The following SETX variants were observed in gnomAD, a reference collection of about 807,000 sequenced individuals.
SETX encodes helicase senataxin.
SETX carries 90 observed loss-of-function variants against 227.2 expected under a neutral mutation model. That is an observed-to-expected ratio of 0.40 (90% CI 0.33 to 0.47). The LOEUF (loss-of-function observed/expected upper bound fraction) is 0.47. Among genes scored for constraint, SETX ranks in the 20% least tolerant of loss-of-function variants. SETX has a pLI of 0.91. For synonymous variants in SETX, 1,210 were observed against 1,113.2 expected (o/e 1.09, Z -1.73); for missense variants, 3,052 against 3,181.5 (o/e 0.96, Z 0.98).
In SETX at chr9:132,335,608, G is replaced by A. The variant is rs974645887; in HGVS notation, c.718+688C>T. 2.0e-4 allele frequency among the ~76,000 whole-genome samples: 30 copies of A among 151,712 alleles called. 1 individual carries two copies. The highest frequency in any genetic ancestry group is 6.8e-4 in the African/African-American group (28 of 41,270). On this transcript the variant is annotated intron_variant, in intron 6 of 25. Coordinates refer to ENST00000224140, the MANE Select transcript of SETX (RefSeq NM_015046.7). The stretch of plus-strand genomic sequence containing the variant: ...TCCTCCTGCCTCAGCCTCCCAAGAT[G>A]CTGGGACTACAGGCGTGCACCACCA...
intron 15 of SETX, among the ~76,000 whole-genome samples, chr9:132,289,979 T>C (rs1450499567): frequency 2.0e-5 from 3 of 152,016 alleles, no homozygotes; most frequent in East Asian, 1.9e-4. Flanking sequence ...GAGATATAAG[T>C]GGGCAAATCA....
At position 132,265,277 on chromosome 9, in the gene SETX, G is replaced by A. The variant is rs569309148; in HGVS notation, c.7288-292C>T. On this transcript the variant is annotated intron_variant, in intron 25 of 25. Transcript: ENST00000224140. ...AGACTCACTCTGTTGCCAGGCTGGA[G>A]TGCAGTGGCGCGATCTTGGCTCACT... Among the ~76,000 whole-genome samples the A allele has an allele frequency of 1.2e-4, 17 of 142,630 alleles. No homozygotes were observed. In the East Asian group the frequency reaches 3.6e-3, roughly 30 times the overall value. The allele number at this position is 142,630 out of a possible 152,430, so 93.6% of individuals were successfully genotyped here.
At chr9:132,291,152 T>A (rs1844273802) in intron 15 of SETX, among the ~76,000 whole-genome samples, 1 of 150,592 alleles carries the variant, frequency 6.6e-6, no homozygotes, top group African/African-American at 2.4e-5. Flanking sequence ...CTTGAGGGTT[T>A]GAAAACCTTT....
rs1842472566 is a variant in SETX, at chr9:132,263,060, T to TAG, written c.*1177_*1178dup. The TAG allele has an allele frequency of 6.6e-6, 1 of 152,210 alleles. No individual in the cohort carries two copies. The highest frequency in any genetic ancestry group is 1.5e-5 in the Non-Finnish European group (1 of 68,042). 9.4% of individuals were successfully genotyped at this position (152,210 alleles called of 1,614,324 possible). On this transcript the variant is annotated 3_prime_UTR_variant, in exon 26 of 26. Transcript: ENST00000224140. ...ACAAAAGCACTATCACCTCTAATAGTAGCTGGAAACACCTATCAGATATTC... is the reference window on the plus strand; with the variant it reads ...ACAAAAGCACTATCACCTCTAATAGTAGAGCTGGAAACACCTATCAGATATTC...
At chr9:132,322,701 T>G (rs472052) in intron 10 of SETX, among the ~76,000 whole-genome samples, 115,623 of 152,064 alleles carry the variant, frequency 0.76, 45,041 homozygotes, top group Non-Finnish European at 0.84. Flanking sequence ...TTCTTAAATG[T>G]GAGTAGACCA....
At chr9:132,350,048 A>G (rs1205766287) in intron 2 of SETX, among the ~76,000 whole-genome samples, 5 of 152,184 alleles carry the variant, frequency 3.3e-5, no homozygotes, top group East Asian at 1.9e-4. Flanking sequence ...GAAAGGTTAG[A>G]AGGAGGTTAA....
At position 132,342,791 on chromosome 9, in the gene SETX, A is replaced by G. The variant is rs766625711; in HGVS notation, c.397T>C (p.Cys133Arg). The change falls in exon 5 of 26, where the codon TGT becomes CGT. Residue 133 changes from cysteine to arginine, a missense_variant. By Grantham distance (180) the Cys-to-Arg change is radical. Coordinates refer to ENST00000224140, the MANE Select transcript of SETX (RefSeq NM_015046.7). ...LLLHERVNEL[C>R]VEALCRMEQA... The stretch of plus-strand genomic sequence containing the variant: ...TCCATCCGACAAAGTGCTTCAACAC[A>G]TAACTCGTCTAAAAAGAAAAAAATA... The G allele has an allele frequency of 6.2e-7, 1 of 1,612,788 alleles. No homozygotes were observed. The highest frequency in any genetic ancestry group is 8.5e-7 in the Non-Finnish European group (1 of 1,179,008).
chr9:132,273,624 G>A (rs990131184), intron 23 of SETX, among the ~76,000 whole-genome samples: 2 of 152,080 alleles, frequency 1.3e-5, no homozygotes, highest in African/African-American at 4.8e-5. Context: ...ATTGCTAGTT[G>A]CATCAAAATA....
intron 18 of SETX, among the ~76,000 whole-genome samples, chr9:132,285,922 C>T (rs1218766670): frequency 1.3e-5 from 2 of 148,666 alleles, no homozygotes; most frequent in African/African-American, 5.1e-5. Context: ...GTGCCTCACG[C>T]CTGTAATCCC....
intron 5 of SETX, among the ~76,000 whole-genome samples, chr9:132,341,173 CCT>C (rs2131532059): frequency 6.6e-6 from 1 of 152,176 alleles, no homozygotes; most frequent in East Asian, 1.9e-4. Flanking sequence ...CTGGTGAAAC[CCT>C]GTCTCTACTT....
chr9:132,288,871 T>C (rs1477530659), intron 15 of SETX, among the ~76,000 whole-genome samples: 6 of 152,218 alleles, frequency 3.9e-5, no homozygotes. Flanking sequence ...AGTTATCATT[T>C]CTACCTAATA....
rs1846835393 is a variant in SETX, at chr9:132,327,011, A to C, written c.4587T>G (p.Val1529=). 6.2e-7 allele frequency: 1 copy of C among 1,614,120 alleles called. No individual in the cohort carries two copies. Among genetic ancestry groups the C allele is most frequent in the African/African-American group, 1.3e-5 (1 of 74,948 alleles). The change falls in exon 10 of 26, where the codon GTT becomes GTG. Residue 1529 remains valine, a synonymous_variant. Coordinates refer to ENST00000224140, the MANE Select transcript of SETX (RefSeq NM_015046.7). ...GACTTACAGAATCTTCTTCAACCTC[A>C]ACTGTATCTTTTCCATGAATTAGTT... is the stretch of plus-strand genomic sequence containing the variant. ...LIELIHGKDT[V]EVEEDSVSRP...
Position 132,261,850 on chromosome 9 carries a change from C to G in SETX, c.*2389G>C, listed in dbSNP as rs972302779. ...TGAAATAACTAATATTGAAAGAAGA[C>G]AGGGAACTTTCTTTTAATGCCATGG... On this transcript the variant is annotated 3_prime_UTR_variant, in exon 26 of 26. Coordinates refer to ENST00000224140, the MANE Select transcript of SETX (RefSeq NM_015046.7). The G allele has an allele frequency of 2.6e-5, 4 of 154,614 alleles. No homozygotes were observed. The highest frequency in any genetic ancestry group is 9.6e-5 in the African/African-American group (4 of 41,522). 9.6% of individuals were successfully genotyped at this position (154,614 alleles called of 1,614,324 possible). A position where few individuals can be genotyped will look rare whatever the true frequency, so the allele number is the denominator to read the frequency against.
At chr9:132,296,260 T>C (rs1844661979) in intron 14 of SETX, among the ~76,000 whole-genome samples, 1 of 152,232 alleles carries the variant, frequency 6.6e-6, no homozygotes, top group East Asian at 1.9e-4. Flanking sequence ...CTTTAATGAA[T>C]ACTCAATCCA....
At chr9:132,278,366 G>C in intron 20 of SETX, 109 bp from the exon 21 acceptor site, 1 of 989,904 alleles carries the variant, frequency 1.0e-6, no homozygotes, top group African/African-American at 1.6e-5. Context: ...CGTTCAGGTA[G>C]CATAAGATTA....
upstream of SETX, among the ~76,000 whole-genome samples, chr9:132,356,374 A>G (rs1848914201): frequency 6.6e-6 from 1 of 151,886 alleles, no homozygotes; most frequent in Admixed American, 6.6e-5. Context: ...GCTAATGTTC[A>G]TGTTTTTAGT....
chr9:132,341,716 A>C (rs1390829993), intron 5 of SETX, among the ~76,000 whole-genome samples: 5 of 152,166 alleles, frequency 3.3e-5, no homozygotes, highest in South Asian at 2.1e-4. Context: ...ACAGGCAAAG[A>C]AGCACCCCCA....
chr9:132,342,929 A>C (rs372392965), intron 4 of SETX, 130 bp from the exon 5 acceptor site: 13 of 708,962 alleles, frequency 1.8e-5, no homozygotes, highest in South Asian at 1.4e-4. Flanking sequence ...GAGGCATAAA[A>C]ATGCTTATAT....
chr9:132,342,591 A>G (rs1848044923), intron 5 of SETX, 99 bp downstream of exon 5: 1 of 961,714 alleles, frequency 1.0e-6, no homozygotes, highest in South Asian at 1.3e-5. Context: ...AAATTTTAGC[A>G]AACATTTTAA....
Sources: allele counts gnomAD v4.1 joint callset (sites outside exome capture counted in the v4.1 genomes callset), GRCh38; gene constraint gnomAD v4.1.1; transcripts MANE v1.5; gene names NCBI Gene and HGNC (gene_info 2026-07-23, HGNC 2026-07-21).